CCSER1: variants seen among roughly 807,000 people sequenced by gnomAD.
CCSER1 encodes coiled-coil serine rich protein 1.
CCSER1 carries 41 observed loss-of-function variants against 82.0 expected under a neutral mutation model. That is an observed-to-expected ratio of 0.50 (90% CI 0.39 to 0.65). The LOEUF (loss-of-function observed/expected upper bound fraction) is 0.65. CCSER1 is among the 30% of genes least tolerant of loss of function. CCSER1 has a pLI of 0.00. For synonymous variants in CCSER1, 414 were observed against 383.9 expected (o/e 1.08, Z -0.92); for missense variants, 1,119 against 1,064.2 (o/e 1.05, Z -0.72).
chr4:90,643,145 T>C (rs938957859), intron 6 of CCSER1, among the ~76,000 whole-genome samples: 1 of 152,200 alleles, frequency 6.6e-6, no homozygotes. Context: ...TTATGCATGA[T>C]CTACATTAGG....
intron 10 of CCSER1, among the ~76,000 whole-genome samples, chr4:91,128,693 G>A (rs1474372191): frequency 1.3e-5 from 2 of 152,032 alleles, no homozygotes; most frequent in Non-Finnish European, 2.9e-5. Flanking sequence ...TTACAATACA[G>A]AAGACACATA....
chr4:91,134,811 C>T (rs1419934266), intron 10 of CCSER1, among the ~76,000 whole-genome samples: 1 of 152,216 alleles, frequency 6.6e-6, no homozygotes, highest in Admixed American at 6.5e-5. Flanking sequence ...CCTGTAATCC[C>T]AGCACTTTGG....
intron 5 of CCSER1, among the ~76,000 whole-genome samples, chr4:90,619,086 A>G (rs1346337195): frequency 6.6e-6 from 1 of 151,820 alleles, no homozygotes; most frequent in Non-Finnish European, 1.5e-5. Flanking sequence ...AGTAAAAATT[A>G]TTTCCCTTTT....
intron 1 of CCSER1, among the ~76,000 whole-genome samples, chr4:90,202,286 T>C (rs912279873): frequency 6.6e-6 from 1 of 151,694 alleles, no homozygotes; most frequent in African/African-American, 2.4e-5. Flanking sequence ...CACTGCAACC[T>C]CTGCCTCCCA....
intron 5 of CCSER1, among the ~76,000 whole-genome samples, chr4:90,477,186 A>G (rs1185043128): frequency 6.6e-6 from 1 of 152,228 alleles, no homozygotes; most frequent in African/African-American, 2.4e-5. Flanking sequence ...TAGTAATACT[A>G]TAAATAAATG....
intron 4 of CCSER1, among the ~76,000 whole-genome samples, chr4:90,426,961 ATG>A (rs1421720926): frequency 6.6e-6 from 1 of 152,138 alleles, no homozygotes; most frequent in Non-Finnish European, 1.5e-5. Flanking sequence ...GTCTTTAAAA[ATG>A]TGTGTTTATA....
chr4:90,508,554 C>T (rs1414532462), intron 5 of CCSER1, among the ~76,000 whole-genome samples: 2 of 151,994 alleles, frequency 1.3e-5, no homozygotes, highest in Non-Finnish European at 2.9e-5. Context: ...AAGAAAGGAG[C>T]AAACTCTAAG....
intron 10 of CCSER1, among the ~76,000 whole-genome samples, chr4:91,517,380 C>T (rs1205351272): frequency 6.6e-6 from 1 of 152,036 alleles, no homozygotes; most frequent in African/African-American, 2.4e-5. Flanking sequence ...AATGCCTAGT[C>T]ATTTGAGAGT....
intron 10 of CCSER1, among the ~76,000 whole-genome samples, chr4:91,514,107 C>T (rs1389750744): frequency 5.9e-5 from 9 of 152,116 alleles, no homozygotes; most frequent in Admixed American, 5.9e-4. Flanking sequence ...TATAAACTTT[C>T]CTGTCAACAC....
intron 8 of CCSER1, among the ~76,000 whole-genome samples, chr4:90,904,046 A>G (rs1725073095): frequency 1.3e-5 from 2 of 152,034 alleles, no homozygotes; most frequent in Middle Eastern, 3.4e-3. Flanking sequence ...TTCTAACACC[A>G]TTTACTGAGA....
At chr4:91,334,223 C>T (rs942953282) in intron 10 of CCSER1, among the ~76,000 whole-genome samples, 1 of 151,962 alleles carries the variant, frequency 6.6e-6, no homozygotes, top group Non-Finnish European at 1.5e-5. Flanking sequence ...TCTGTTTTAC[C>T]TCTCTACTTA....
chr4:91,099,973 C>T (rs1724894737), intron 10 of CCSER1, among the ~76,000 whole-genome samples: 2 of 152,092 alleles, frequency 1.3e-5, no homozygotes, highest in Non-Finnish European at 2.9e-5. Flanking sequence ...GATTTTCCTC[C>T]ACAAAAGACA....
intron 10 of CCSER1, among the ~76,000 whole-genome samples, chr4:91,102,339 G>C (rs1383716527): frequency 6.6e-6 from 1 of 152,196 alleles, no homozygotes; most frequent in African/African-American, 2.4e-5. Flanking sequence ...GTTGAGAATA[G>C]GCAGGGATTA....
At chr4:90,455,623 A>G (rs1304873194) in intron 4 of CCSER1, among the ~76,000 whole-genome samples, 1 of 152,164 alleles carries the variant, frequency 6.6e-6, no homozygotes, top group Non-Finnish European at 1.5e-5. Flanking sequence ...TTCTGACCTT[A>G]TATCCCTAAA....
chr4:91,578,945 G>GAAT (rs1475000140), intron 10 of CCSER1, among the ~76,000 whole-genome samples: 3 of 151,626 alleles, frequency 2.0e-5, no homozygotes, highest in Non-Finnish European at 4.4e-5. Context: ...TGCTTGATTT[G>GAAT]AATAATACAC....
chr4:91,554,684 A>G (rs1762322860), intron 10 of CCSER1, among the ~76,000 whole-genome samples: 1 of 151,282 alleles, frequency 6.6e-6, no homozygotes, highest in African/African-American at 2.4e-5. Context: ...TTTTTTATTA[A>G]AATGCAAAAA....
At chr4:91,073,593 A>G (rs1325463885) in intron 9 of CCSER1, among the ~76,000 whole-genome samples, 3 of 152,148 alleles carry the variant, frequency 2.0e-5, no homozygotes, top group African/African-American at 7.2e-5. Context: ...GGAAATTGAA[A>G]CTGAATCAAA....
At chr4:90,390,089 A>G (rs1750739213) in intron 3 of CCSER1, among the ~76,000 whole-genome samples, 3 of 152,204 alleles carry the variant, frequency 2.0e-5, no homozygotes, top group African/African-American at 7.2e-5. Flanking sequence ...AGGTGCAATG[A>G]AAGAAATTCA....
chr4:91,289,853 T>C (rs970087695), intron 10 of CCSER1, among the ~76,000 whole-genome samples: 13 of 151,956 alleles, frequency 8.6e-5, no homozygotes, highest in African/African-American at 2.9e-4. Context: ...TACCAAATTA[T>C]AGATCCAAGA....
Sources: allele counts gnomAD v4.1 joint callset (sites outside exome capture counted in the v4.1 genomes callset), GRCh38; gene constraint gnomAD v4.1.1; transcripts MANE v1.5; gene names NCBI Gene and HGNC (gene_info 2026-07-23, HGNC 2026-07-21).